EDARADD: variants seen among roughly 807,000 people sequenced by gnomAD.
EDARADD encodes the protein ectodysplasin-A receptor-associated adapter protein.
A neutral mutation model predicts 25.6 loss-of-function variants in EDARADD; 20 were observed. The observed-to-expected ratio is 0.78, with a 90% CI of 0.55 to 1.14. The LOEUF (loss-of-function observed/expected upper bound fraction) is 1.14. Ranked by LOEUF, EDARADD falls within the 50% of genes most tolerant of loss-of-function variation. The probability of loss-of-function intolerance (pLI) is 0.00; values close to 1 mark genes in which losing one functional copy is unlikely to be tolerated. For missense variants in EDARADD, 225 were observed against 270.1 expected (o/e 0.83, Z 1.17); for synonymous variants, 86 against 94.4 (o/e 0.91, Z 0.52).
chr1:236,480,864 T>A (rs1042601560), intron 5 of EDARADD, among the ~76,000 whole-genome samples: 5 of 152,240 alleles, frequency 3.3e-5, no homozygotes, highest in Non-Finnish European at 7.3e-5. Context: ...GTTGAGTCTT[T>A]AAGTTTCAGT....
intron 4 of EDARADD, among the ~76,000 whole-genome samples, chr1:236,458,765 T>C (rs1658955610): frequency 6.7e-6 from 1 of 150,176 alleles, no homozygotes; most frequent in Admixed American, 6.7e-5. Context: ...TGTCTCAGCC[T>C]CCCGAGTAGC....
intron 4 of EDARADD, among the ~76,000 whole-genome samples, chr1:236,430,395 T>C (rs1433554461): frequency 6.6e-6 from 1 of 152,222 alleles, no homozygotes; most frequent in Non-Finnish European, 1.5e-5. Context: ...GAATGCTAAG[T>C]TTTTCATGTA....
intron 3 of EDARADD, among the ~76,000 whole-genome samples, chr1:236,389,013 A>T (rs1667389909): frequency 6.6e-6 from 1 of 151,272 alleles, no homozygotes. Context: ...CCCTCAAAAA[A>T]CTTCTCTAGC....
At chr1:236,461,968 G>T (rs1408907711) in intron 4 of EDARADD, among the ~76,000 whole-genome samples, 4 of 152,190 alleles carry the variant, frequency 2.6e-5, no homozygotes, top group African/African-American at 9.7e-5. Flanking sequence ...GAGTTTTAAA[G>T]ATCTAATTGG....
At chr1:236,349,828 G>A (rs1666894452) in intron 2 of EDARADD, among the ~76,000 whole-genome samples, 1 of 152,172 alleles carries the variant, frequency 6.6e-6, no homozygotes, top group African/African-American at 2.4e-5. Flanking sequence ...GGGGGAGGGT[G>A]GTGGCAGGCG....
chr1:236,351,447 C>T (rs1004619009), intron 3 of EDARADD, among the ~76,000 whole-genome samples: 34 of 152,082 alleles, frequency 2.2e-4, no homozygotes, highest in East Asian at 1.9e-4. Context: ...AGGCTGGGCG[C>T]GGTGGCTCAT....
intron 5 of EDARADD, among the ~76,000 whole-genome samples, chr1:236,472,830 A>C (rs1487802862): frequency 6.6e-6 from 1 of 152,154 alleles, no homozygotes; most frequent in Non-Finnish European, 1.5e-5. Flanking sequence ...TAACCTGTCC[A>C]AGTCACACAT....
intron 3 of EDARADD, among the ~76,000 whole-genome samples, chr1:236,368,566 C>T (rs942072070): frequency 6.6e-6 from 1 of 151,658 alleles, no homozygotes; most frequent in Non-Finnish European, 1.5e-5. Context: ...TCAGCCTCCC[C>T]AGCAGCTGGG....
chr1:236,394,625 C>A, intron 1 of EDARADD, 120 bp downstream of exon 1: 3 of 836,420 alleles, frequency 3.6e-6, no homozygotes, highest in Non-Finnish European at 5.4e-6. Context: ...TCTTTTTCGA[C>A]CCGACTTTTA....
exon 2 of EDARADD, chr1:236,348,812 C>T (rs1237271095): frequency 6.6e-6 from 1 of 152,210 alleles, no homozygotes; most frequent in African/African-American, 2.4e-5. Flanking sequence ...AAGGCGCCCA[C>T]CTTTTCTCCA....
At chr1:236,352,959 A>C (rs965197809) in intron 3 of EDARADD, among the ~76,000 whole-genome samples, 1 of 151,874 alleles carries the variant, frequency 6.6e-6, no homozygotes, top group Non-Finnish European at 1.5e-5. Context: ...GCAGTGAGCT[A>C]TGACCATGCC....
chr1:236,372,029 T>G (rs1249248725), intron 3 of EDARADD, among the ~76,000 whole-genome samples: 3 of 152,166 alleles, frequency 2.0e-5, no homozygotes, highest in African/African-American at 7.2e-5. Context: ...CGATCTCGGC[T>G]CACTGCAGCC....
chr1:236,414,369 C>A, intron 3 of EDARADD, 70 bp downstream of exon 3: 1 of 1,273,574 alleles, frequency 7.9e-7, no homozygotes, highest in Non-Finnish European at 1.1e-6. Flanking sequence ...ACTAGTCGAC[C>A]TAATTTTTCA....
At chr1:236,359,848 TGGG>T (rs1274360113) in intron 3 of EDARADD, among the ~76,000 whole-genome samples, 1 of 152,158 alleles carries the variant, frequency 6.6e-6, no homozygotes, top group Non-Finnish European at 1.5e-5. Flanking sequence ...GAGATTTGGG[TGGG>T]GACACAGCCA....
intron 5 of EDARADD, among the ~76,000 whole-genome samples, chr1:236,477,201 C>T (rs1208060250): frequency 6.6e-6 from 1 of 152,038 alleles, no homozygotes; most frequent in Non-Finnish European, 1.5e-5. Context: ...ATATAAACGA[C>T]TGTATTATTA....
chr1:236,452,938 G>A (rs940122937), intron 4 of EDARADD, among the ~76,000 whole-genome samples: 1 of 152,196 alleles, frequency 6.6e-6, no homozygotes, highest in African/African-American at 2.4e-5. Flanking sequence ...GGGACTTGGA[G>A]ATTGTTTCAA....
chr1:236,465,647 T>C (rs1202862872), intron 4 of EDARADD, among the ~76,000 whole-genome samples: 1 of 152,206 alleles, frequency 6.6e-6, no homozygotes, highest in African/African-American at 2.4e-5. Flanking sequence ...GTGGTCTCCA[T>C]TTCCCAGCAT....
chr1:236,360,465 T>C (rs1355056855), intron 3 of EDARADD, among the ~76,000 whole-genome samples: 1 of 151,548 alleles, frequency 6.6e-6, no homozygotes, highest in East Asian at 1.9e-4. Context: ...GGTTACCAAA[T>C]ATATCAGACA....
chr1:236,358,776 G>A (rs1212387686), intron 3 of EDARADD, among the ~76,000 whole-genome samples: 1 of 152,182 alleles, frequency 6.6e-6, no homozygotes, highest in Non-Finnish European at 1.5e-5. Context: ...TTGCTGAGGA[G>A]TGATTTACTT....
Sources: gnomAD v4.1 joint callset for allele counts (sites outside exome capture counted in the v4.1 genomes callset) on GRCh38, gnomAD v4.1.1 for gene constraint, MANE v1.5 for transcripts, NCBI Gene and HGNC (gene_info 2026-07-23, HGNC 2026-07-21) for gene names.